FHL2: variants seen among roughly 807,000 people sequenced by gnomAD.
FHL2 encodes the protein four and a half LIM domains 2.
Under a neutral mutation model 32.7 loss-of-function variants are expected in FHL2, and 20 were observed. The observed-to-expected ratio is 0.61, with a 90% confidence interval of 0.43 to 0.89. The LOEUF is 0.89. FHL2 is among the 40% of genes least tolerant of loss of function. The pLI is 0.00. For missense variants in FHL2, 311 were observed against 358.6 expected, an observed-to-expected ratio of 0.87 and a Z score of 1.07; for synonymous variants, 123 against 128.1, an observed-to-expected ratio of 0.96 and a Z score of 0.27.
At chr2:105,381,386 AGGAAC>A (rs576443459) in intron 3 of FHL2, among the ~76,000 whole-genome samples, 1 of 152,258 alleles carries the variant, frequency 6.6e-6, no homozygotes, top group South Asian at 2.1e-4. Context: ...CCCGTGAGCT[AGGAAC>A]CCCAGTGTAT....
intron 1 of FHL2, among the ~76,000 whole-genome samples, chr2:105,428,163 C>G (rs868148220): frequency 4.6e-5 from 7 of 152,228 alleles, no homozygotes; most frequent in South Asian, 2.1e-4. Context: ...TCTTTCCCAC[C>G]TGGAGGAACA....
chr2:105,384,117 G>C (rs1001557275), intron 3 of FHL2, among the ~76,000 whole-genome samples: 1 of 152,176 alleles, frequency 6.6e-6, no homozygotes. Context: ...TCAGCCACTG[G>C]TCAGGGATGA....
intron 4 of FHL2, among the ~76,000 whole-genome samples, chr2:105,368,549 A>G (rs1680799269): frequency 6.6e-6 from 1 of 152,156 alleles, no homozygotes; most frequent in South Asian, 2.1e-4. Context: ...AACCTACGCC[A>G]TCCATTGTCT....
chr2:105,396,574 T>C, intron 2 of FHL2, 73 bp downstream of exon 2: 1 of 1,373,892 alleles, frequency 7.3e-7, no homozygotes. Flanking sequence ...AGTTGACACA[T>C]GAAAGTAACC....
upstream of FHL2, among the ~76,000 whole-genome samples, chr2:105,402,247 G>GTA (rs148492419): frequency 0.13 from 19,725 of 150,176 alleles, 2,107 homozygotes; most frequent in African/African-American, 0.29. Context: ...GTGTGTGTGT[G>GTA]TATATATATA....
At chr2:105,399,637 G>C, upstream of FHL2, 3 of 1,505,608 alleles carry the variant, frequency 2.0e-6, no homozygotes, top group Non-Finnish European at 2.6e-6. Flanking sequence ...TAGACATCTT[G>C]GATTCCCCTC....
At chr2:105,436,361 A>C (rs1479280900) in intron 1 of FHL2, among the ~76,000 whole-genome samples, 2 of 152,160 alleles carry the variant, frequency 1.3e-5, no homozygotes, top group Non-Finnish European at 1.5e-5. Context: ...TTCTAATAAA[A>C]TGTCTTATCT....
chr2:105,386,250 G>A lies in FHL2; in HGVS notation c.156+111C>T. 5.4e-6 allele frequency: 7 copies of A among 1,286,454 alleles called. No individual in the cohort carries two copies. The South Asian group carries it at 8.4e-5, about 15-fold the overall frequency. 79.7% of individuals were successfully genotyped at this position (1,286,454 alleles called of 1,614,324 possible). ...CACGCAGGGTCCACGCCCCTCAGAG[G>A]GGGCTCAAGAGACAGACTTCAGTGG... On this transcript the variant is annotated intron_variant, in intron 3 of 6. Transcript: ENST00000530340.
intron 4 of FHL2, among the ~76,000 whole-genome samples, chr2:105,370,612 T>C (rs1243005605): frequency 2.0e-5 from 3 of 151,732 alleles, no homozygotes; most frequent in African/African-American, 7.3e-5. Flanking sequence ...TTTTCACTTG[T>C]CCTCTAAATG....
At chr2:105,380,928 A>G (rs10190186) in intron 3 of FHL2, among the ~76,000 whole-genome samples, 22,583 of 152,210 alleles carry the variant, frequency 0.15, 2,852 homozygotes, top group African/African-American at 0.35. Flanking sequence ...GTATTTTTCC[A>G]TTGCAGAAAC....
intron 1 of FHL2, among the ~76,000 whole-genome samples, chr2:105,424,991 G>C (rs971345227): frequency 2.6e-5 from 4 of 151,840 alleles, no homozygotes; most frequent in Admixed American, 2.6e-4. Flanking sequence ...TGCACATTCC[G>C]TACATGTACC....
At chr2:105,430,622 C>T (rs894062630) in intron 1 of FHL2, among the ~76,000 whole-genome samples, 2 of 152,146 alleles carry the variant, frequency 1.3e-5, no homozygotes, top group Non-Finnish European at 1.5e-5. Flanking sequence ...GAGCTGAGAT[C>T]GCGCCACTGC....
intron 5 of FHL2, among the ~76,000 whole-genome samples, chr2:105,364,254 A>AAAAAC (rs139042564): frequency 2.0e-4 from 30 of 151,392 alleles, no homozygotes; most frequent in Middle Eastern, 6.8e-3. Context: ...AGACTGTCTC[A>AAAAAC]AAAACAAAAC....
At chr2:105,358,916 T>A (rs1680115264), downstream of FHL2, 1 of 152,212 alleles carries the variant, frequency 6.6e-6, no homozygotes. Flanking sequence ...AGAGGCTGTT[T>A]GTCCCGAACT....
intron 1 of FHL2, among the ~76,000 whole-genome samples, chr2:105,432,679 C>T (rs142219141): frequency 4.6e-5 from 7 of 150,682 alleles, no homozygotes; most frequent in Middle Eastern, 3.4e-3. Flanking sequence ...CACAGACACA[C>T]GCAGAGACAT....
chr2:105,415,938 A>G (rs993218707), intron 1 of FHL2, among the ~76,000 whole-genome samples: 1 of 152,196 alleles, frequency 6.6e-6, no homozygotes, highest in African/African-American at 2.4e-5. Context: ...ATAGGAATAG[A>G]TGGGGAATAT....
intron 1 of FHL2, among the ~76,000 whole-genome samples, chr2:105,432,718 G>A (rs10174915): frequency 0.58 from 88,146 of 151,866 alleles, 26,777 homozygotes; most frequent in African/African-American, 0.77. Context: ...GTGCACACAG[G>A]CACACTCACA....
At position 105,416,359 on chromosome 2, in the gene FHL2, T is replaced by G. The variant is rs527443351; in HGVS notation, c.-25+22040A>C. 4.6e-5 allele frequency among the ~76,000 whole-genome samples: 7 copies of G among 152,356 alleles called. No individual in the cohort carries two copies. The South Asian group carries it at 1.0e-3, about 23-fold the overall frequency. ...CTCATGTCTGCTTCTGCATTCGATC[T>G]GTGGAGTATGTGGTTTTGGTTGAAA... On this transcript the variant is annotated intron_variant, in intron 1 of 5. Coordinates refer to the FHL2 transcript ENST00000393352.
chr2:105,400,261 A>G (rs1026633055), upstream of FHL2, among the ~76,000 whole-genome samples: 2 of 152,178 alleles, frequency 1.3e-5, no homozygotes, highest in African/African-American at 4.8e-5. Context: ...CCATGTAAGT[A>G]TATTACGGGA....
Sources: allele counts gnomAD v4.1 joint callset (sites outside exome capture counted in the v4.1 genomes callset), GRCh38; gene constraint gnomAD v4.1.1; transcripts MANE v1.5; gene names NCBI Gene and HGNC (gene_info 2026-07-23, HGNC 2026-07-21).